The following DAPP1 variants were observed in gnomAD, a reference collection of about 807,000 sequenced individuals.
The protein encoded by DAPP1 is dual adapter for phosphotyrosine and 3-phosphotyrosine and 3-phosphoinositide.
DAPP1 carries 20 observed loss-of-function variants against 41.5 expected under a neutral mutation model. The ratio of observed to expected loss-of-function variants is 0.48; its 90% CI spans 0.34 to 0.70. The LOEUF is 0.70. Among genes scored for constraint, DAPP1 ranks in the 30% least tolerant of loss-of-function variants. DAPP1 has a pLI of 0.01. For missense variants in DAPP1, 233 were observed against 333.4 expected, an observed-to-expected ratio of 0.70 and a Z score of 2.35; for synonymous variants, 113 against 116.2, an observed-to-expected ratio of 0.97 and a Z score of 0.18.
chr4:99,825,058 T>C (rs1452466354), intron 1 of DAPP1, among the ~76,000 whole-genome samples: 3 of 152,202 alleles, frequency 2.0e-5, no homozygotes, highest in Non-Finnish European at 4.4e-5. Context: ...TTCTTTATCT[T>C]TAAAGACATC....
chr4:99,858,423 T>A (rs1281426382), intron 4 of DAPP1, among the ~76,000 whole-genome samples: 1 of 152,270 alleles, frequency 6.6e-6, no homozygotes, highest in Non-Finnish European at 1.5e-5. Flanking sequence ...TTGTTTGTGC[T>A]TCTCACTGTG....
chr4:99,823,368 CA>C (rs559039228), intron 1 of DAPP1, among the ~76,000 whole-genome samples: 1 of 151,908 alleles, frequency 6.6e-6, no homozygotes. Flanking sequence ...AGAGAAGCAT[CA>C]AAATATAAAG....
Position 99,868,437 on chromosome 4 carries a change from A to G in DAPP1, c.*252A>G. On this transcript the variant is annotated 3_prime_UTR_variant, in exon 9 of 9. Coordinates refer to ENST00000512369, the MANE Select transcript of DAPP1 (RefSeq NM_014395.3). ...AGAAAGTGCTTAAACCACCACTCTT[A>G]GGTCTGCTCACTCTTAGAACACACA... is the stretch of plus-strand genomic sequence containing the variant. 2.0e-6 allele frequency: 1 copy of G among 505,762 alleles called. No homozygotes were observed. The highest frequency in any genetic ancestry group is 3.6e-6 in the Non-Finnish European group (1 of 278,914). The allele number at this position is 505,762 out of a possible 1,614,324, so 31.3% of individuals were successfully genotyped here. A position where few individuals can be genotyped will look rare whatever the true frequency, so the allele number is the denominator to read the frequency against.
At chr4:99,863,166 C>A in intron 6 of DAPP1, 94 bp downstream of exon 6, 1 of 715,862 alleles carries the variant, frequency 1.4e-6, no homozygotes, top group South Asian at 2.2e-5. Flanking sequence ...ATTTTTATAT[C>A]CACCTGAAAT....
At chr4:99,862,936 T>A (rs1724290617) in intron 5 of DAPP1, 74 bp from the exon 6 acceptor site, 1 of 1,054,414 alleles carries the variant, frequency 9.5e-7, no homozygotes, top group Non-Finnish European at 1.3e-6. Flanking sequence ...GTAAATCATC[T>A]GGTTCAAATA....
At chr4:99,855,267 A>G (rs916423869) in intron 4 of DAPP1, among the ~76,000 whole-genome samples, 1 of 152,182 alleles carries the variant, frequency 6.6e-6, no homozygotes, top group Admixed American at 6.5e-5. Context: ...TTGCCCTGTT[A>G]GTTTAACTTC....
intron 3 of DAPP1, chr4:99,844,834 A>G (rs1465519045): frequency 6.6e-6 from 1 of 152,188 alleles, no homozygotes; most frequent in Non-Finnish European, 1.5e-5. Flanking sequence ...AGCTACCGCT[A>G]TTATTATTTT....
In DAPP1 at chr4:99,869,411, A is replaced by C. The variant is rs1724571221; in HGVS notation, c.*1226A>C. 1 of 152,212 alleles carries C rather than the reference A, an allele frequency of 6.6e-6. No homozygotes were observed. Among genetic ancestry groups the C allele is most frequent in the Non-Finnish European group, 1.5e-5 (1 of 68,028 alleles). 9.4% of individuals were successfully genotyped at this position (152,212 alleles called of 1,614,324 possible). On this transcript the variant is annotated 3_prime_UTR_variant, in exon 9 of 9. Transcript: ENST00000512369. ...GTTTCAAAGAAGATAAAAATGCTTGAAGAGCCTGAGAGTAAAAAGATTATG... is the reference window on the plus strand; with the variant it reads ...GTTTCAAAGAAGATAAAAATGCTTGCAGAGCCTGAGAGTAAAAAGATTATG...
chr4:99,849,566 C>T (rs1246541591), intron 3 of DAPP1, among the ~76,000 whole-genome samples: 1 of 152,154 alleles, frequency 6.6e-6, no homozygotes, highest in African/African-American at 2.4e-5. Flanking sequence ...AGGCAGCAGC[C>T]CAGCCCAGAG....
chr4:99,828,153 G>A (rs1723004020), intron 1 of DAPP1, among the ~76,000 whole-genome samples: 1 of 152,204 alleles, frequency 6.6e-6, no homozygotes, highest in Admixed American at 6.5e-5. Flanking sequence ...CACTGTTGTT[G>A]TGCATTTCTG....
At chr4:99,836,791 C>T (rs890096613) in intron 2 of DAPP1, among the ~76,000 whole-genome samples, 8 of 152,212 alleles carry the variant, frequency 5.3e-5, no homozygotes, top group African/African-American at 7.2e-5. Flanking sequence ...CTTAAAGCAA[C>T]GCAACTGGAT....
At chr4:99,832,125 A>G (rs1247321080) in intron 1 of DAPP1, among the ~76,000 whole-genome samples, 2 of 152,192 alleles carry the variant, frequency 1.3e-5, no homozygotes, top group Non-Finnish European at 2.9e-5. Context: ...TCTCCTGACT[A>G]GATTAATGGT....
Position 99,836,957 on chromosome 4 carries a change from G to A in DAPP1, c.224+1212G>A, listed in dbSNP as rs72911177. Among the ~76,000 whole-genome samples the A allele has an allele frequency of 4.1e-3, 626 of 152,012 alleles. 2 individuals carry two copies. Among genetic ancestry groups the A allele is most frequent in the African/African-American group, 0.014 (577 of 41,428 alleles). On this transcript the variant is annotated intron_variant, in intron 2 of 8. Coordinates refer to ENST00000512369, the MANE Select transcript of DAPP1 (RefSeq NM_014395.3). ...CTTTTTCATCCATTCCCTTGCTGCC[G>A]TAGAACTGAGGTCCTCCTTTTCCTT... is the stretch of plus-strand genomic sequence containing the variant.
At chr4:99,834,911 G>A (rs1723243240) in intron 1 of DAPP1, among the ~76,000 whole-genome samples, 2 of 151,990 alleles carry the variant, frequency 1.3e-5, no homozygotes, top group South Asian at 4.2e-4. Flanking sequence ...TGACTGTCAT[G>A]TTCATGCGCT....
Position 99,816,900 on chromosome 4 carries a change from T to G in DAPP1, c.-14T>G. Reference sequence around the variant, plus strand: ...CCAGTTGTGTCTCTCTCTCTACCTCTGTGAAGGGCGCGAATGGGCAGAGCA... The same window carrying G: ...CCAGTTGTGTCTCTCTCTCTACCTCGGTGAAGGGCGCGAATGGGCAGAGCA... On this transcript the variant is annotated 5_prime_UTR_variant, in exon 1 of 9. Transcript: ENST00000512369. The G allele has an allele frequency of 6.3e-7, 1 of 1,598,762 alleles. No individual in the cohort carries two copies. Among genetic ancestry groups the G allele is most frequent in the Non-Finnish European group, 8.5e-7 (1 of 1,172,770 alleles).
intron 3 of DAPP1, among the ~76,000 whole-genome samples, chr4:99,848,868 C>T (rs746420687): frequency 9.9e-5 from 15 of 152,100 alleles, no homozygotes; most frequent in Non-Finnish European, 1.9e-4. Flanking sequence ...ATTCGAGGGC[C>T]GGGCCAGGTC....
rs1464272850 is a variant in DAPP1 at position 99,868,146 on chromosome 4, G to C, written c.804G>C (p.Gly268=). The change falls in exon 9 of 9, where the codon GGG becomes GGC. Residue 268 remains glycine (G), a synonymous_variant. Transcript: ENST00000512369. The stretch of plus-strand genomic sequence containing the variant: ...AAATAAGAAAACAGCTCAACCAAGG[G>C]GAAGGCACGATCCGATCTCGGTCGT... ...LSQIRKQLNQ[G]EGTIRSRSFI... 1.9e-6 allele frequency: 3 copies of C among 1,613,854 alleles called. No individual in the cohort carries two copies. The highest frequency in any genetic ancestry group is 2.5e-6 in the Non-Finnish European group (3 of 1,179,854).
chr4:99,853,123 A>G (rs967114206), intron 3 of DAPP1, 95 bp from the exon 4 acceptor site: 4 of 1,455,158 alleles, frequency 2.7e-6, no homozygotes, highest in Non-Finnish European at 2.8e-6. Context: ...TGAAAAAAAC[A>G]AAAGACTTTC....
intron 4 of DAPP1, among the ~76,000 whole-genome samples, chr4:99,859,179 G>T (rs1332343453): frequency 6.6e-6 from 1 of 152,088 alleles, no homozygotes; most frequent in Non-Finnish European, 1.5e-5. Context: ...GCCTCCCAAA[G>T]TGCTGGGATT....
Sources: allele counts gnomAD v4.1 joint callset (sites outside exome capture counted in the v4.1 genomes callset), GRCh38; gene constraint gnomAD v4.1.1; transcripts MANE v1.5; gene names NCBI Gene and HGNC (gene_info 2026-07-23, HGNC 2026-07-21).